WDR59: variants seen among roughly 807,000 people sequenced by gnomAD.
The protein encoded by WDR59 is WD repeat domain 59, also known as GATOR2 complex protein WDR59.
WDR59 carries 100 observed loss-of-function variants against 131.2 expected under a neutral mutation model. That is an observed-to-expected ratio of 0.76 (90% CI 0.65 to 0.90). The LOEUF is 0.90. Among genes scored for constraint, WDR59 ranks in the 40% least tolerant of loss-of-function variants. The pLI is 0.00. For synonymous variants in WDR59, 601 were observed against 466.2 expected (o/e 1.29, Z -3.72); for missense variants, 1,203 against 1,262.2 (o/e 0.95, Z 0.71).
intron 2 of WDR59, among the ~76,000 whole-genome samples, chr16:74,961,800 C>T (rs963106164): frequency 6.6e-6 from 1 of 152,104 alleles, no homozygotes; most frequent in Non-Finnish European, 1.5e-5. Context: ...TTAATCAGAT[C>T]CCATTTGTCA....
chr16:74,878,228 G>A (rs1198395127), intron 25 of WDR59, among the ~76,000 whole-genome samples: 2 of 152,192 alleles, frequency 1.3e-5, no homozygotes, highest in Non-Finnish European at 2.9e-5. Flanking sequence ...CTGTATTCAA[G>A]TACAAGATTA....
intron 20 of WDR59, among the ~76,000 whole-genome samples, chr16:74,892,099 A>G (rs1965072457): frequency 1.3e-5 from 2 of 152,222 alleles, no homozygotes; most frequent in South Asian, 4.1e-4. Context: ...ATGTTAAATC[A>G]TATTTTAAAA....
At chr16:74,918,704 A>G (rs542222421) in intron 10 of WDR59, among the ~76,000 whole-genome samples, 1 of 152,348 alleles carries the variant, frequency 6.6e-6, no homozygotes, top group Non-Finnish European at 1.5e-5. Context: ...TGCAGTATCT[A>G]GAATCTCCTT....
intron 25 of WDR59, among the ~76,000 whole-genome samples, chr16:74,880,028 A>G (rs1964403513): frequency 6.6e-6 from 1 of 152,216 alleles, no homozygotes; most frequent in Admixed American, 6.5e-5. Context: ...TCTATTTTAT[A>G]AAAATTTAAA....
At chr16:74,917,675 G>C (rs35426289) in intron 11 of WDR59, among the ~76,000 whole-genome samples, 1 of 151,672 alleles carries the variant, frequency 6.6e-6, no homozygotes, top group Non-Finnish European at 1.5e-5. Flanking sequence ...CGAGTGTGTT[G>C]GTGGGCGCCT....
chr16:74,938,972 T>A (rs80322065), intron 7 of WDR59, among the ~76,000 whole-genome samples: 2,958 of 151,952 alleles, frequency 0.019, 112 homozygotes, highest in African/African-American at 0.068. Flanking sequence ...GATGGAGCAC[T>A]AAGATTCCAA....
At chr16:74,911,988 G>A in intron 14 of WDR59, 1 of 601,384 alleles carries the variant, frequency 1.7e-6, no homozygotes, top group Admixed American at 3.1e-5. Flanking sequence ...TTCAAAGGAA[G>A]TCTATGACCC....
chr16:74,903,793 A>T (rs1965671029), intron 18 of WDR59, among the ~76,000 whole-genome samples, 154 bp downstream of exon 18: 1 of 152,202 alleles, frequency 6.6e-6, no homozygotes, highest in African/African-American at 2.4e-5. Flanking sequence ...AAACCAACTG[A>T]AAGGAACAAA....
chr16:74,965,570 T>C (rs539165396), intron 2 of WDR59, among the ~76,000 whole-genome samples: 1 of 152,276 alleles, frequency 6.6e-6, no homozygotes, highest in South Asian at 2.1e-4. Context: ...ACTTCAAAGG[T>C]GTTTTATTGC....
chr16:74,943,528 G>T (rs544507409), intron 6 of WDR59, among the ~76,000 whole-genome samples: 2 of 152,304 alleles, frequency 1.3e-5, no homozygotes, highest in African/African-American at 4.8e-5. Context: ...GAGGCATAAT[G>T]TGAGATGCCA....
chr16:74,941,728 C>T (rs75513227), intron 7 of WDR59, among the ~76,000 whole-genome samples: 2,462 of 152,046 alleles, frequency 0.016, 75 homozygotes, highest in African/African-American at 0.056. Flanking sequence ...CCTGCCCAAC[C>T]TCTATGAAAT....
At chr16:74,905,407 C>T (rs898795327) in intron 17 of WDR59, among the ~76,000 whole-genome samples, 1 of 145,820 alleles carries the variant, frequency 6.9e-6, no homozygotes, top group African/African-American at 2.6e-5. Context: ...ATAGGCCGGG[C>T]ACGGTGGCTC....
At chr16:74,880,396 G>A (rs1241001315) in intron 25 of WDR59, among the ~76,000 whole-genome samples, 3 of 152,100 alleles carry the variant, frequency 2.0e-5, no homozygotes, top group South Asian at 2.1e-4. Context: ...GCAGTGAGCC[G>A]AGATCGCGCC....
At position 74,872,709 on chromosome 16, in the gene WDR59, G is replaced by T. The variant is rs1029543185; in HGVS notation, c.*1500C>A. The T allele has an allele frequency of 6.6e-6, 1 of 152,180 alleles. No individual in the cohort carries two copies. The highest frequency in any genetic ancestry group is 6.6e-5 in the Admixed American group (1 of 15,262). 9.4% of individuals were successfully genotyped at this position (152,180 alleles called of 1,614,324 possible). On this transcript the variant is annotated 3_prime_UTR_variant, in exon 26 of 26. Transcript: ENST00000262144. ...AAAGGAAGAGTGAGGGCACTCACTG[G>T]AACCCAGCCCATCTGAACAGAGGCA...
chr16:74,915,965 G>A lies in WDR59; in HGVS notation c.1129C>T (p.Leu377=), dbSNP rs756709322. The part of the protein sequence containing the change: ...ALKEDPPRNL[L]EERKSDQLGL... ...AGTTGATCTGATTTCCTCTCTTCCA[G>A]GAGATTTCTAGGGGGATCTTCTTTT... The change falls in exon 13 of 26, where the codon CTG becomes TTG. Residue 377 remains leucine, a synonymous_variant. Coordinates refer to ENST00000262144, the MANE Select transcript of WDR59 (RefSeq NM_030581.4). 69 of 1,614,074 alleles carry A rather than the reference G, an allele frequency of 4.3e-5. No homozygotes were observed. The highest frequency in any genetic ancestry group is 5.8e-5 in the Non-Finnish European group (69 of 1,180,034).
At chr16:74,981,769 C>G (rs1228960303) in intron 1 of WDR59, among the ~76,000 whole-genome samples, 15 of 139,386 alleles carry the variant, frequency 1.1e-4, no homozygotes, top group African/African-American at 4.0e-4. Context: ...TATTCTCCTG[C>G]CTTAGCCTCC....
Position 74,971,103 on chromosome 16 carries a change from T to C in WDR59, c.55-5281A>G, listed in dbSNP as rs369605853. Among the ~76,000 whole-genome samples, 46 of 152,200 alleles carry C rather than the reference T, an allele frequency of 3.0e-4. No homozygotes were observed. The East Asian group carries it at 7.3e-3, about 24-fold the overall frequency. ...CAGAACCAAGTCAAAATCAAGGTCC[T>C]TCCAGCTCACAATGTGCCAAGGTGT... is the stretch of plus-strand genomic sequence containing the variant. On this transcript the variant is annotated intron_variant, in intron 1 of 25. Coordinates refer to ENST00000262144, the MANE Select transcript of WDR59 (RefSeq NM_030581.4).
At chr16:74,957,081 CTTTTTTTTTT>C (rs34834142) in intron 2 of WDR59, among the ~76,000 whole-genome samples, 4 of 123,946 alleles carry the variant, frequency 3.2e-5, no homozygotes, top group South Asian at 5.4e-4. Context: ...CTTTTTTTTT[CTTTTTTTTTT>C]TTTTTTTGAG....
At chr16:74,967,590 G>A (rs1425040277) in intron 1 of WDR59, among the ~76,000 whole-genome samples, 4 of 152,208 alleles carry the variant, frequency 2.6e-5, no homozygotes, top group East Asian at 1.9e-4. Context: ...TGGGCGCGGC[G>A]GCTCATGCCT....
Sources: gnomAD v4.1 joint callset for allele counts (sites outside exome capture counted in the v4.1 genomes callset) on GRCh38, gnomAD v4.1.1 for gene constraint, MANE v1.5 for transcripts, NCBI Gene and HGNC (gene_info 2026-07-23, HGNC 2026-07-21) for gene names.